MGAT5B: variants seen among roughly 807,000 people sequenced by gnomAD.
MGAT5B encodes the protein alpha-1,6-mannosylglycoprotein 6-beta-N-acetylglucosaminyltransferase B.
Under a neutral mutation model 95.1 loss-of-function variants are expected in MGAT5B, and 54 were observed. That is an observed-to-expected ratio of 0.57 (90% CI 0.46 to 0.71). The LOEUF is 0.71. Ranked by LOEUF, MGAT5B falls within the 30% of genes least tolerant of loss-of-function variation. The pLI is 0.00. For synonymous variants in MGAT5B, 464 were observed against 451.0 expected (o/e 1.03, Z -0.36); for missense variants, 935 against 1,088.6 (o/e 0.86, Z 1.99).
rs981680734 is a variant in MGAT5B at position 76,946,562 on chromosome 17, G to A, written c.1923+112G>A. On this transcript the variant is annotated intron_variant, in intron 16 of 17. Coordinates refer to ENST00000569840, the MANE Select transcript of MGAT5B (RefSeq NM_001199172.2). ...CACCCGTGAAACCATCCAACTCCCT[G>A]CTCCCTCCTCCAGCCTGTCCAGTCT... The A allele has an allele frequency of 4.5e-6, 4 of 882,176 alleles. No homozygotes were observed. In the Admixed American group the frequency reaches 1.4e-4, roughly 31 times the overall value. The allele number at this position is 882,176 out of a possible 1,614,324, so 54.6% of individuals were successfully genotyped here. A position where few individuals can be genotyped will look rare whatever the true frequency, so the allele number is the denominator to read the frequency against.
In MGAT5B at chr17:76,932,637, G is replaced by A. The variant is rs747069114; in HGVS notation, c.1292-8G>A. 64 of 1,613,472 alleles carry A rather than the reference G, an allele frequency of 4.0e-5. No individual in the cohort carries two copies. Among genetic ancestry groups the A allele is most frequent in the Non-Finnish European group, 5.1e-5 (60 of 1,179,710 alleles). ...TGACCCCATTCCTTCTGCGTGCTCG[G>A]GCTGCAGCTCATACCCCCGACAACT... On this transcript the variant is annotated splice_region_variant and splice_polypyrimidine_tract_variant and intron_variant, in intron 10 of 17. Coordinates refer to ENST00000569840, the MANE Select transcript of MGAT5B (RefSeq NM_001199172.2).
chr17:76,945,420 G>A (rs187916835), intron 15 of MGAT5B, among the ~76,000 whole-genome samples: 313 of 152,272 alleles, frequency 2.1e-3, no homozygotes, highest in Non-Finnish European at 3.7e-3. Flanking sequence ...CTCCCAAGTA[G>A]CTGGGATTAC....
At chr17:76,946,488 A>C (rs1360130928) in intron 16 of MGAT5B, 38 bp downstream of exon 16, 2 of 1,518,804 alleles carry the variant, frequency 1.3e-6, no homozygotes, top group Admixed American at 3.9e-5. Context: ...AGATCCTGTC[A>C]GACCAGAGGA....
At chr17:76,895,451 A>G (rs929285556) in intron 3 of MGAT5B, among the ~76,000 whole-genome samples, 3 of 152,140 alleles carry the variant, frequency 2.0e-5, no homozygotes, top group African/African-American at 7.2e-5. Flanking sequence ...TGGGTGCTAA[A>G]AAGGTTGGGA....
At chr17:76,939,307 G>A in intron 13 of MGAT5B, among the ~76,000 whole-genome samples, 1 of 151,918 alleles carries the variant, frequency 6.6e-6, no homozygotes, top group East Asian at 1.9e-4. Flanking sequence ...AGACCATCCT[G>A]GCCAACATGG....
chr17:76,905,083 G>C lies in MGAT5B; in HGVS notation c.691-86G>C. 1 of 1,404,330 alleles carries C rather than the reference G, an allele frequency of 7.1e-7. No individual in the cohort carries two copies. The highest frequency in any genetic ancestry group is 9.6e-7 in the Non-Finnish European group (1 of 1,044,872). 87.0% of individuals were successfully genotyped at this position (1,404,330 alleles called of 1,614,324 possible). Reference sequence around the variant, plus strand: ...TGGAGCAGGCCCCAGCCTCATGGGAGGGTGCCAGCCCCTGTCCCCAGGCCA... The same window carrying C: ...TGGAGCAGGCCCCAGCCTCATGGGACGGTGCCAGCCCCTGTCCCCAGGCCA... On this transcript the variant is annotated intron_variant, in intron 6 of 17. Coordinates refer to ENST00000569840, the MANE Select transcript of MGAT5B (RefSeq NM_001199172.2). The surrounding 1 kb of genome is among the most constrained non-coding windows in gnomAD (Gnocchi z 4.2).
chr17:76,948,524 G>T (rs563804773), intron 17 of MGAT5B, 116 bp from the exon 18 acceptor site: 17 of 1,080,974 alleles, frequency 1.6e-5, no homozygotes, highest in East Asian at 2.6e-5. Flanking sequence ...GGCTGGGATG[G>T]GATGGGCCAG....
At position 76,917,371 on chromosome 17, in the gene MGAT5B, C is replaced by T. The variant is rs1968975495; in HGVS notation, c.1026-7595C>T. On this transcript the variant is annotated intron_variant, in intron 8 of 17. Transcript: ENST00000569840. The surrounding 1 kb of genome is among the most constrained non-coding windows in gnomAD (Gnocchi z 6.1). ...CTTCCCACAGCAGGTATCTCGTCAC[C>T]CCAGTCCAGCATACATTTATCACTT... 6.6e-6 allele frequency among the ~76,000 whole-genome samples: 1 copy of T among 151,942 alleles called. No homozygotes were observed. The highest frequency in any genetic ancestry group is 1.5e-5 in the Non-Finnish European group (1 of 67,988).
At position 76,902,631 on chromosome 17, in the gene MGAT5B, G is replaced by T; in HGVS notation, c.406G>T (p.Asp136Tyr). Residue 136 changes from aspartate to tyrosine, a missense_variant, in exon 4 of 18, where the codon GAC becomes TAC. Asp to Tyr is a radical substitution (Grantham distance 160). Around this residue, in one of 4 missense-constraint regions of MGAT5B, gnomAD observed 243 missense variants for 228.2 expected, o/e 1.06. Transcript: ENST00000569840. ...QNVSDIAVKV[D>Y]QILRHSLLLH... ...CGTCTCCGACATCGCTGTGAAGGTG[G>T]ACCAGATCCTGCGCCACAGTCTGCT... 1 of 1,601,568 alleles carries T rather than the reference G, an allele frequency of 6.2e-7. No homozygotes were observed. The highest frequency in any genetic ancestry group is 8.5e-7 in the Non-Finnish European group (1 of 1,173,886).
At chr17:76,919,889 C>T (rs1455226152) in intron 8 of MGAT5B, among the ~76,000 whole-genome samples, 1 of 152,214 alleles carries the variant, frequency 6.6e-6, no homozygotes, top group Non-Finnish European at 1.5e-5. Context: ...AAACTCCATA[C>T]CCATTAAACA....
intron 12 of MGAT5B, among the ~76,000 whole-genome samples, chr17:76,935,854 A>ATATATATTATATACATTATATATAT (rs1969641314): frequency 1.2e-4 from 4 of 33,334 alleles, no homozygotes; most frequent in Non-Finnish European, 2.0e-4. Flanking sequence ...TATATATACT[A>ATATATATTATATACATTATATATAT]TATATATTAT....
At position 76,869,334 on chromosome 17, in the gene MGAT5B, TCGGGGTG is replaced by T. The variant is rs976380659; in HGVS notation, c.68+239_68+245del. 9.2e-5 allele frequency among the ~76,000 whole-genome samples: 14 copies of T among 152,046 alleles called. 1 individual carries two copies. The East Asian group carries it at 1.2e-3, about 13-fold the overall frequency. On this transcript the variant is annotated intron_variant, in intron 1 of 17. Transcript: ENST00000569840. This position sits in a 1 kb window ranked among gnomAD's most constrained non-coding sequence, Gnocchi z 7.0. Reference sequence around the variant, plus strand: ...CGAGTTGGGCAGGGTTGGAGAGGACTCGGGGTGCAGAGGTAAGAATGGGGGCAGAAAA... The same window carrying T: ...CGAGTTGGGCAGGGTTGGAGAGGACTCAGAGGTAAGAATGGGGGCAGAAAA...
intron 12 of MGAT5B, among the ~76,000 whole-genome samples, chr17:76,934,711 C>T (rs28542686): frequency 6.6e-6 from 1 of 152,010 alleles, no homozygotes; most frequent in Non-Finnish European, 1.5e-5. Flanking sequence ...GAAAGAGAAA[C>T]GTTTTATCTC....
intron 2 of MGAT5B, among the ~76,000 whole-genome samples, chr17:76,876,272 G>A (rs996739188): frequency 2.6e-5 from 4 of 152,104 alleles, no homozygotes; most frequent in African/African-American, 7.2e-5. Flanking sequence ...GGAAGGATTA[G>A]GGCTTCACGG....
intron 10 of MGAT5B, among the ~76,000 whole-genome samples, chr17:76,928,129 G>A (rs1442766339): frequency 6.6e-6 from 1 of 152,190 alleles, no homozygotes; most frequent in Non-Finnish European, 1.5e-5. Context: ...ATGCAGTCCA[G>A]ATGAGAAAAC....
chr17:76,907,598 G>A (rs1968579560), intron 8 of MGAT5B, among the ~76,000 whole-genome samples: 1 of 152,172 alleles, frequency 6.6e-6, no homozygotes, highest in South Asian at 2.1e-4. Context: ...CCATAATTAT[G>A]TATCAGTTTT....
intron 16 of MGAT5B, 116 bp downstream of exon 16, chr17:76,946,566 C>A: frequency 1.2e-6 from 1 of 820,732 alleles, no homozygotes; most frequent in Non-Finnish European, 1.8e-6. Context: ...CTCCCTGCTC[C>A]CTCCTCCAGC....
chr17:76,946,323 C>T lies in MGAT5B; in HGVS notation c.1849-53C>T. 3.2e-5 allele frequency: 48 copies of T among 1,492,860 alleles called. 1 individual carries two copies. Among genetic ancestry groups the T allele is most frequent in the Non-Finnish European group, 4.3e-5 (47 of 1,086,528 alleles). The allele number at this position is 1,492,860 out of a possible 1,614,324, so 92.5% of individuals were successfully genotyped here. A position where few individuals can be genotyped will look rare whatever the true frequency, so the allele number is the denominator to read the frequency against. On this transcript the variant is annotated intron_variant, in intron 15 of 17. Transcript: ENST00000569840. ...CCCCCAATGCCGAGCATGGCAGGGC[C>T]CCCGACGGCTGGGCCTTCTCCCGCC...
rs779440963 is a variant in MGAT5B, at chr17:76,908,272, CTTCTT to C, written c.1025+2088_1025+2092del. Among the ~76,000 whole-genome samples, 607 of 128,278 alleles carry C rather than the reference CTTCTT, an allele frequency of 4.7e-3. 10 individuals are homozygous for C. The highest frequency in any genetic ancestry group is 0.017 in the African/African-American group (567 of 33,616). The allele number at this position is 128,278 out of a possible 152,430, so 84.2% of individuals were successfully genotyped here. A position where few individuals can be genotyped will look rare whatever the true frequency, so the allele number is the denominator to read the frequency against. On this transcript the variant is annotated intron_variant, in intron 8 of 17. Transcript: ENST00000569840. The stretch of plus-strand genomic sequence containing the variant: ...TTTTTTCCTTTCTTTCTCTTTCTTT[CTTCTT>C]TTTTTTTTTTTTTTTCAGATAGGGC...
Sources: gnomAD v4.1 joint callset for allele counts (sites outside exome capture counted in the v4.1 genomes callset) on GRCh38, gnomAD v4.1.1 for gene constraint, gnomAD v4.1.1 regional missense constraint, Gnocchi (gnomAD v3.1) non-coding constraint, MANE v1.5 for transcripts, NCBI Gene and HGNC (gene_info 2026-07-23, HGNC 2026-07-21) for gene names.